ANKS1B: variants seen among roughly 807,000 people sequenced by gnomAD.
The protein encoded by ANKS1B is ankyrin repeat and sterile alpha motif domain-containing protein 1B.
In ANKS1B, 36 loss-of-function variants were observed where a neutral mutation model predicts 148.3. The observed-to-expected ratio is 0.24, with a 90% CI of 0.19 to 0.32. ANKS1B has a LOEUF of 0.32. Ranked by LOEUF, ANKS1B falls within the 10% of genes least tolerant of loss-of-function variation. The pLI, the probability that ANKS1B is intolerant of heterozygous loss-of-function variation, is 1.00. For synonymous variants in ANKS1B, 542 were observed against 560.8 expected, an observed-to-expected ratio of 0.97 and a Z score of 0.47; for missense variants, 1,157 against 1,542.6, an observed-to-expected ratio of 0.75 and a Z score of 4.19.
intron 10 of ANKS1B, among the ~76,000 whole-genome samples, chr12:99,458,503 T>C (rs141854513): frequency 4.0e-5 from 6 of 148,624 alleles, no homozygotes; most frequent in Admixed American, 6.7e-5. Flanking sequence ...ATAAAATTGA[T>C]AGACCATTAG....
At chr12:99,069,416 G>A (rs1435700682) in intron 16 of ANKS1B, among the ~76,000 whole-genome samples, 2 of 152,134 alleles carry the variant, frequency 1.3e-5, no homozygotes, top group East Asian at 1.9e-4. Flanking sequence ...ACTTTCTTAT[G>A]ATACATTTAC....
chr12:99,930,594 C>T (rs2094588540), intron 1 of ANKS1B, among the ~76,000 whole-genome samples: 2 of 152,094 alleles, frequency 1.3e-5, no homozygotes, highest in Non-Finnish European at 2.9e-5. Context: ...AAAGGGAATG[C>T]TTCATCATCA....
chr12:99,524,731 G>A (rs904605256), intron 9 of ANKS1B, among the ~76,000 whole-genome samples: 1 of 152,178 alleles, frequency 6.6e-6, no homozygotes, highest in Non-Finnish European at 1.5e-5. Context: ...TTACATGGCA[G>A]CAGGCAAGAG....
chr12:98,760,028 G>A (rs571782311), intron 25 of ANKS1B, among the ~76,000 whole-genome samples: 2 of 152,106 alleles, frequency 1.3e-5, no homozygotes, highest in African/African-American at 4.8e-5. Flanking sequence ...AAAAGACTAC[G>A]TAAAAATATA....
At chr12:99,907,351 C>A (rs1425752007) in intron 1 of ANKS1B, among the ~76,000 whole-genome samples, 1 of 152,196 alleles carries the variant, frequency 6.6e-6, no homozygotes, top group African/African-American at 2.4e-5. Flanking sequence ...ATCAGAAGTA[C>A]TTACTGTTCT....
chr12:99,632,082 C>T (rs565904773), intron 9 of ANKS1B, among the ~76,000 whole-genome samples: 1 of 152,262 alleles, frequency 6.6e-6, no homozygotes, highest in South Asian at 2.1e-4. Flanking sequence ...GTGCTCATTG[C>T]CCAGGTCCAA....
intron 15 of ANKS1B, among the ~76,000 whole-genome samples, chr12:99,133,328 C>T (rs2066796845): frequency 1.3e-5 from 2 of 152,168 alleles, no homozygotes; most frequent in Admixed American, 6.5e-5. Context: ...GCTGGGATTA[C>T]AGGCGTGAGC....
chr12:99,576,146 A>G (rs969300942), intron 9 of ANKS1B, among the ~76,000 whole-genome samples: 1 of 152,138 alleles, frequency 6.6e-6, no homozygotes, highest in Non-Finnish European at 1.5e-5. Context: ...ATCAAAAGGG[A>G]CAAAGAATGG....
At chr12:99,079,720 G>T (rs537461740) in intron 16 of ANKS1B, 2 of 152,052 alleles carry the variant, frequency 1.3e-5, no homozygotes, top group Non-Finnish European at 2.9e-5. Flanking sequence ...TGCCCCATGG[G>T]GTTAACAAGA....
Position 99,428,543 on chromosome 12 carries a change from A to G in ANKS1B, c.1575+15130T>C, listed in dbSNP as rs945804990. Among the ~76,000 whole-genome samples the G allele has an allele frequency of 3.9e-5, 6 of 152,340 alleles. No individual in the cohort carries two copies. The South Asian group carries it at 1.2e-3, about 32-fold the overall frequency. On this transcript the variant is annotated intron_variant, in intron 11 of 26. Transcript: ENST00000683438. ...TATGTGTTGTTTAGATCGAAATCAC[A>G]TTACTTCTGTAAACTCATGGCTTTC... is the stretch of plus-strand genomic sequence containing the variant.
Position 98,887,242 on chromosome 12 carries a change from T to A in ANKS1B, c.2779-55106A>T, listed in dbSNP as rs534624340. 1.1e-4 allele frequency among the ~76,000 whole-genome samples: 17 copies of A among 152,330 alleles called. No individual in the cohort carries two copies. In the South Asian group the frequency reaches 3.3e-3, roughly 30 times the overall value. The stretch of plus-strand genomic sequence containing the variant: ...TGTGTTTAAAACTGGAATATGCAGC[T>A]TAAAAATGTGATTCCAACTCTGAGG... On this transcript the variant is annotated intron_variant, in intron 17 of 26. Transcript: ENST00000683438.
rs115704045 is a variant in ANKS1B, at chr12:99,535,840, G to A, written c.1273-31199C>T. Among the ~76,000 whole-genome samples, 787 of 152,184 alleles carry A rather than the reference G, an allele frequency of 5.2e-3. 3 individuals carry two copies. The highest frequency in any genetic ancestry group is 8.2e-3 in the Admixed American group (126 of 15,292). ...AAATAAACTTTAGCACTTAACCAAA[G>A]GTTTGCAATAATCCATCAAGGATTT... is the stretch of plus-strand genomic sequence containing the variant. On this transcript the variant is annotated intron_variant, in intron 9 of 26. Transcript: ENST00000683438.
chr12:99,984,363 G>T lies in ANKS1B; in HGVS notation c.-126C>A. 4.9e-6 allele frequency: 3 copies of T among 618,122 alleles called. No homozygotes were observed. Among genetic ancestry groups the T allele is most frequent in the East Asian group, 4.4e-5 (1 of 22,474 alleles). The allele number at this position is 618,122 out of a possible 1,614,324, so 38.3% of individuals were successfully genotyped here. ...AAAATAATGCAAGAGCTTCAGCACG[G>T]AGAGCTCCCTGCAGCCCCAGGCAGG... On this transcript the variant is annotated 5_prime_UTR_variant, in exon 1 of 27. Transcript: ENST00000683438.
chr12:98,803,016 TTTTATA>T (rs1220051318), intron 20 of ANKS1B, among the ~76,000 whole-genome samples: 1 of 152,290 alleles, frequency 6.6e-6, no homozygotes, highest in African/African-American at 2.4e-5. Context: ...TGAGTTTTTC[TTTTATA>T]TTTATATGAA....
At chr12:98,978,518 G>A (rs1411489191) in intron 17 of ANKS1B, among the ~76,000 whole-genome samples, 2 of 151,968 alleles carry the variant, frequency 1.3e-5, no homozygotes, top group African/African-American at 4.8e-5. Flanking sequence ...CTTGCTTGAG[G>A]TTTGTTGAAT....
chr12:99,673,324 T>G (rs1269526642), intron 8 of ANKS1B, among the ~76,000 whole-genome samples: 1 of 152,100 alleles, frequency 6.6e-6, no homozygotes, highest in Non-Finnish European at 1.5e-5. Flanking sequence ...TCAGATTGCC[T>G]ACTGTACTAG....
intron 1 of ANKS1B, among the ~76,000 whole-genome samples, chr12:99,834,193 G>A (rs2084460689): frequency 6.6e-6 from 1 of 152,088 alleles, no homozygotes. Flanking sequence ...TAGAAAGAGG[G>A]CCTAGATTAA....
At chr12:99,884,017 C>T (rs1317316594) in intron 1 of ANKS1B, among the ~76,000 whole-genome samples, 1 of 151,814 alleles carries the variant, frequency 6.6e-6, no homozygotes, top group African/African-American at 2.4e-5. Context: ...AAAATAAATA[C>T]ATGATTTGAA....
chr12:99,914,109 T>G (rs7969553), intron 1 of ANKS1B, among the ~76,000 whole-genome samples: 50,553 of 152,006 alleles, frequency 0.33, 8,957 homozygotes, highest in African/African-American at 0.43. Flanking sequence ...TGGAACCACC[T>G]TGCACATACA....
Sources: gnomAD v4.1 joint callset for allele counts (sites outside exome capture counted in the v4.1 genomes callset) on GRCh38, gnomAD v4.1.1 for gene constraint, MANE v1.5 for transcripts, NCBI Gene and HGNC (gene_info 2026-07-23, HGNC 2026-07-21) for gene names.